Variants in DNAH1 observed in about 807,000 individuals in gnomAD.
DNAH1 encodes the protein dynein axonemal heavy chain 1, also known as axonemal beta dynein heavy chain 1.
Under a neutral mutation model 484.3 loss-of-function variants are expected in DNAH1, and 327 were observed. The observed-to-expected ratio is 0.68, with a 90% CI of 0.62 to 0.74. DNAH1 has a LOEUF of 0.74. Ranked by LOEUF, DNAH1 falls within the 30% of genes least tolerant of loss-of-function variation. DNAH1 has a pLI of 0.00. For missense variants in DNAH1, 5,052 were observed against 5,546.8 expected, an observed-to-expected ratio of 0.91 and a Z score of 2.83; for synonymous variants, 2,192 against 2,191.9, an observed-to-expected ratio of 1.00 and a Z score of 0.00.
chr3:52,396,511 T>C lies in DNAH1; in HGVS notation c.11403T>C (p.Gly3801=), dbSNP rs1468029360. 1 of 1,611,274 alleles carries C rather than the reference T, an allele frequency of 6.2e-7. No homozygotes were observed. Among genetic ancestry groups the C allele is most frequent in the African/African-American group, 1.3e-5 (1 of 74,868 alleles). ...TGCTGAAGTCCTATAGTAGCCTTGG[T>C]GAAGACTTCCTCAACTCCTGCCACA... The part of the protein sequence containing the change: ...ANLLKSYSSL[G]EDFLNSCHKV... Residue 3801 remains glycine (G), a synonymous_variant, in exon 71 of 78, where the codon GGT becomes GGC. Transcript: ENST00000420323.
chr3:52,399,129 C>A lies in DNAH1; in HGVS notation c.12369C>A (p.Phe4123Leu). Reference protein sequence around the residue: ...WISGFFFPQAFLTGTLQNFAR... With the variant: ...WISGFFFPQALLTGTLQNFAR... ...GTGGATTCTTCTTCCCCCAGGCTTT[C>A]TTAACAGGCACTCTGCAGAATTTTG... is the stretch of plus-strand genomic sequence containing the variant. Residue 4123 changes from phenylalanine to leucine, a missense_variant, in exon 76 of 78, where the codon TTC becomes TTA. Physicochemically the swap from Phe to Leu is conservative, Grantham distance 22. Transcript: ENST00000420323. The A allele has an allele frequency of 1.2e-6, 2 of 1,614,060 alleles. No individual in the cohort carries two copies. Among genetic ancestry groups the A allele is most frequent in the South Asian group, 2.2e-5 (2 of 91,086 alleles).
At chr3:52,380,359 G>A (rs1331554835) in intron 48 of DNAH1, among the ~76,000 whole-genome samples, 2 of 152,124 alleles carry the variant, frequency 1.3e-5, no homozygotes, top group Non-Finnish European at 2.9e-5. Context: ...TGGTCCAGCT[G>A]AGATGGGCTC....
chr3:52,333,474 G>A (rs1487795256), intron 8 of DNAH1, among the ~76,000 whole-genome samples: 2 of 146,286 alleles, frequency 1.4e-5, no homozygotes, highest in South Asian at 2.2e-4. Flanking sequence ...TGCAACCTCC[G>A]CCTCCCAGGT....
At chr3:52,312,289 G>A (rs145499736), upstream of DNAH1, among the ~76,000 whole-genome samples, 23 of 152,232 alleles carry the variant, frequency 1.5e-4, no homozygotes, top group East Asian at 4.4e-3. Flanking sequence ...GCTGAGGCCA[G>A]GTTGGGAAGA....
At chr3:52,319,103 G>T (rs34332947) in intron 1 of DNAH1, among the ~76,000 whole-genome samples, 5,539 of 152,342 alleles carry the variant, frequency 0.036, 145 homozygotes, top group Non-Finnish European at 0.05. Context: ...GTGTTTGGTT[G>T]TGTGATCTTT....
chr3:52,394,812 GGGATAGCCCA>G, intron 67 of DNAH1, 93 bp from the exon 68 acceptor site: 1 of 1,515,930 alleles, frequency 6.6e-7, no homozygotes, highest in Non-Finnish European at 8.9e-7. Context: ...CCATACCCCT[GGGATAGCCCA>G]CTCTCCCCAG....
At chr3:52,348,098 T>C in intron 12 of DNAH1, 124 bp downstream of exon 12, 1 of 997,144 alleles carries the variant, frequency 1.0e-6, no homozygotes, top group Non-Finnish European at 1.5e-6. Flanking sequence ...GGCAGCATGC[T>C]CAGCCCTGTA....
chr3:52,343,920 G>A (rs146628333), intron 8 of DNAH1, among the ~76,000 whole-genome samples: 3 of 152,144 alleles, frequency 2.0e-5, no homozygotes, highest in Non-Finnish European at 4.4e-5. Context: ...ATGTGAGGAC[G>A]GGGGAGATGG....
Position 52,356,638 on chromosome 3 carries a change from T to C in DNAH1, c.3718T>C (p.Cys1240Arg). The change falls in exon 22 of 78, where the codon TGT becomes CGT. Residue 1240 changes from cysteine to arginine, a missense_variant. This residue lies in a region of DNAH1 where 2,929 missense variants were observed against 3,409.4 expected (regional missense o/e 0.86). Coordinates refer to ENST00000420323, the MANE Select transcript of DNAH1 (RefSeq NM_015512.5). ...TQEVLEEWLN[C>R]QRSWLYLEPI... ...GGAGGTTCTGGAGGAGTGGCTGAAC[T>C]GTCAGCGGTCCTGGCTCTACCTGGA... 6.2e-7 allele frequency: 1 copy of C among 1,613,640 alleles called. No individual in the cohort carries two copies. The highest frequency in any genetic ancestry group is 8.5e-7 in the Non-Finnish European group (1 of 1,179,868).
In DNAH1 at chr3:52,395,309, C is replaced by G. The variant is rs144668102; in HGVS notation, c.10970C>G (p.Thr3657Arg). The G allele has an allele frequency of 1.2e-4, 190 of 1,613,242 alleles. 1 individual carries two copies. The East Asian group carries it at 3.5e-3, about 30-fold the overall frequency. The change falls in exon 69 of 78, where the codon ACA (threonine) becomes AGA (arginine). Residue 3657 changes from threonine to arginine, a missense_variant and splice_region_variant. Transcript: ENST00000420323. This position sits in a 1 kb window ranked among gnomAD's most constrained non-coding sequence, Gnocchi z 4.4. Reference protein sequence around the residue: ...NLEPRFIEPQTANLSVVFKDS... With the variant: ...NLEPRFIEPQRANLSVVFKDS... ...CAGCATCTCCCCCTGCCCTTGCAGA[C>G]AGCCAATCTGTCAGTGGTGTTCAAA...
Position 52,381,345 on chromosome 3 carries a change from T to C in DNAH1, c.7609-295T>C, listed in dbSNP as rs911454738. On this transcript the variant is annotated intron_variant, in intron 48 of 77. Transcript: ENST00000420323. This position sits in a 1 kb window ranked among gnomAD's most constrained non-coding sequence, Gnocchi z 4.1. The stretch of plus-strand genomic sequence containing the variant: ...CCAGGCTGGTGTTGAACTCCTGGGC[T>C]CAAGTGATCCTCCCGCCTTGGCTTC... Among the ~76,000 whole-genome samples, 1 of 152,158 alleles carries C rather than the reference T, an allele frequency of 6.6e-6. No individual in the cohort carries two copies. Among genetic ancestry groups the C allele is most frequent in the Non-Finnish European group, 1.5e-5 (1 of 68,020 alleles).
rs1241751948 is a variant in DNAH1 at position 52,361,691 on chromosome 3, C to T, written c.4905C>T (p.Phe1635=). 3.1e-6 allele frequency: 5 copies of T among 1,610,476 alleles called. No homozygotes were observed. Among genetic ancestry groups the T allele is most frequent in the Non-Finnish European group, 4.2e-6 (5 of 1,178,588 alleles). The change falls in exon 30 of 78, where the codon TTC becomes TTT. Residue 1635 remains phenylalanine, a synonymous_variant. Coordinates refer to ENST00000420323, the MANE Select transcript of DNAH1 (RefSeq NM_015512.5). This position sits in a 1 kb window ranked among gnomAD's most constrained non-coding sequence, Gnocchi z 5.6. The stretch of plus-strand genomic sequence containing the variant: ...GGGCCTGGGCCTGCTTCGACGAGTT[C>T]AATCGCATCGACATCGAGGTGCTGT... The part of the protein sequence containing the change: ...SAGAWACFDE[F]NRIDIEVLSV...
intron 34 of DNAH1, 143 bp downstream of exon 34, chr3:52,365,162 A>T (rs1578148084): frequency 1.7e-6 from 2 of 1,200,982 alleles, no homozygotes; most frequent in South Asian, 3.3e-5. Flanking sequence ...CTCTCAGCCG[A>T]GCAATCCAGA....
In DNAH1 at chr3:52,382,395, G is replaced by A. The variant is rs1272690321; in HGVS notation, c.7881G>A (p.Lys2627=). The A allele has an allele frequency of 2.5e-5, 40 of 1,613,898 alleles. No homozygotes were observed. In the Middle Eastern group the frequency reaches 1.3e-3, roughly 53 times the overall value. ...GMSEWRDDVK[K]VLLKAGLQNL... ...CCGAGTGGCGAGATGATGTGAAGAA[G>A]GTCCTGCTCAAGGCGGGCCTACAGA... The change falls in exon 50 of 78, where the codon AAG becomes AAA. Residue 2627 remains lysine (K), a synonymous_variant. Transcript: ENST00000420323.
At chr3:52,390,007 C>A (rs1319996642) in intron 60 of DNAH1, among the ~76,000 whole-genome samples, 4 of 152,194 alleles carry the variant, frequency 2.6e-5, no homozygotes, top group Non-Finnish European at 4.4e-5. Flanking sequence ...GTAATCCCAG[C>A]TACTCAGGAG....
In DNAH1 at chr3:52,355,059, G is replaced by T; in HGVS notation, c.3693+4G>T. ...GAACAAACTGAAGCTGACCCAGGTC[G>T]GCCCTCCCCCCAGTCCTTCCCTCAT... On this transcript the variant is annotated splice_donor_region_variant and intron_variant, in intron 21 of 77. Coordinates refer to ENST00000420323, the MANE Select transcript of DNAH1 (RefSeq NM_015512.5). This position sits in a 1 kb window ranked among gnomAD's most constrained non-coding sequence, Gnocchi z 4.5. 6.2e-7 allele frequency: 1 copy of T among 1,612,786 alleles called. No homozygotes were observed. Among genetic ancestry groups the T allele is most frequent in the Non-Finnish European group, 8.5e-7 (1 of 1,179,812 alleles).
rs780136679 is a variant in DNAH1, at chr3:52,388,538, T to C, written c.9292T>C (p.Cys3098Arg). 6.2e-7 allele frequency: 1 copy of C among 1,613,124 alleles called. No individual in the cohort carries two copies. Among genetic ancestry groups the C allele is most frequent in the Non-Finnish European group, 8.5e-7 (1 of 1,179,616 alleles). ...IATMQAKYRE[C>R]ITKKEELELK... ...CACAATGCAGGCTAAGTACCGGGAA[T>C]GCATTACCAAGAAGGAGGAGCTGGA... is the stretch of plus-strand genomic sequence containing the variant. The change falls in exon 58 of 78, where the codon TGC becomes CGC. Residue 3098 changes from cysteine (C) to arginine (R), a missense_variant. By Grantham distance (180) the Cys-to-Arg change is radical. This residue lies in a region of DNAH1 where 2,929 missense variants were observed against 3,409.4 expected (regional missense o/e 0.86). Coordinates refer to ENST00000420323, the MANE Select transcript of DNAH1 (RefSeq NM_015512.5).
chr3:52,354,817 T>G, intron 20 of DNAH1, 26 bp from the exon 21 acceptor site: 1 of 1,610,498 alleles, frequency 6.2e-7, no homozygotes. Context: ...CTCCCAGGAC[T>G]CAGCCTGGCT....
chr3:52,374,501 C>T (rs945765685), intron 44 of DNAH1: 1 of 1,458,628 alleles, frequency 6.9e-7, no homozygotes, highest in African/African-American at 1.4e-5. Flanking sequence ...TTTTAGATGT[C>T]ATTGAACCAT....
Sources: allele counts gnomAD v4.1 joint callset (sites outside exome capture counted in the v4.1 genomes callset), GRCh38; gene constraint gnomAD v4.1.1; regional missense constraint gnomAD v4.1.1; non-coding constraint Gnocchi (gnomAD v3.1); transcripts MANE v1.5; gene names NCBI Gene and HGNC (gene_info 2026-07-23, HGNC 2026-07-21).